Variants in RASSF5 observed in about 807,000 individuals in gnomAD.
The protein encoded by RASSF5 is Ras association domain family member 5.
Under a neutral mutation model 40.5 loss-of-function variants are expected in RASSF5, and 25 were observed. The ratio of observed to expected loss-of-function variants is 0.62; its 90% CI spans 0.45 to 0.86. RASSF5 has a LOEUF of 0.86. RASSF5 is among the 40% of genes least tolerant of loss of function. The pLI is 0.00. For synonymous variants in RASSF5, 246 were observed against 252.4 expected (o/e 0.97, Z 0.24); for missense variants, 521 against 572.8 (o/e 0.91, Z 0.92).
At chr1:206,570,939 C>G (rs1349517279) in intron 2 of RASSF5, among the ~76,000 whole-genome samples, 1 of 152,142 alleles carries the variant, frequency 6.6e-6, no homozygotes, top group Non-Finnish European at 1.5e-5. Context: ...CTCACATCTT[C>G]TGGGTGTATA....
intron 2 of RASSF5, among the ~76,000 whole-genome samples, chr1:206,574,347 TC>T (rs1365379901): frequency 6.6e-6 from 1 of 152,178 alleles, no homozygotes; most frequent in Non-Finnish European, 1.5e-5. Context: ...ACCTGCAGAC[TC>T]CCAAGGACAG....
chr1:206,587,090 G>T lies in RASSF5; in HGVS notation c.*112G>T. 7.4e-7 allele frequency: 1 copy of T among 1,346,350 alleles called. No individual in the cohort carries two copies. Among genetic ancestry groups the T allele is most frequent in the Non-Finnish European group, 1.0e-6 (1 of 967,848 alleles). 83.4% of individuals were successfully genotyped at this position (1,346,350 alleles called of 1,614,324 possible). ...ATCTCTGGCAGGTGCATTTGTGCCT[G>T]CCCAGCAGTTCCAGCTGTGGCAAAA... On this transcript the variant is annotated 3_prime_UTR_variant, in exon 6 of 6. Transcript: ENST00000579436.
At chr1:206,530,989 C>T (rs932715136) in intron 1 of RASSF5, among the ~76,000 whole-genome samples, 9 of 152,152 alleles carry the variant, frequency 5.9e-5, no homozygotes, top group Admixed American at 1.3e-4. Context: ...TGGATGTTAG[C>T]GAGGTAAAAA....
Position 206,556,226 on chromosome 1 carries a change from G to A in RASSF5, c.579+17933G>A, listed in dbSNP as rs782688036. ...GTCTGTACATGACAGTGACTGGGGCGTAGGCAGCTGCACACACCAGGGCTG... is the reference window on the plus strand; with the variant it reads ...GTCTGTACATGACAGTGACTGGGGCATAGGCAGCTGCACACACCAGGGCTG... On this transcript the variant is annotated intron_variant, in intron 2 of 5. Coordinates refer to ENST00000579436, the MANE Select transcript of RASSF5 (RefSeq NM_182663.4). Among the ~76,000 whole-genome samples, 10 of 152,196 alleles carry A rather than the reference G, an allele frequency of 6.6e-5. No homozygotes were observed. The East Asian group carries it at 9.6e-4, about 15-fold the overall frequency.
At chr1:206,512,738 C>T (rs530203120) in intron 1 of RASSF5, among the ~76,000 whole-genome samples, 1 of 152,314 alleles carries the variant, frequency 6.6e-6, no homozygotes, top group Admixed American at 6.5e-5. Context: ...CAGGGAGCTA[C>T]CTCCTGTGAA....
intron 2 of RASSF5, among the ~76,000 whole-genome samples, chr1:206,566,958 G>A (rs945305437): frequency 6.6e-6 from 1 of 152,172 alleles, no homozygotes; most frequent in Non-Finnish European, 1.5e-5. Context: ...ACATGAGCAA[G>A]TACTTTAGGG....
rs1045107947 is a variant in RASSF5 at position 206,588,384 on chromosome 1, A to G, written c.*1406A>G. On this transcript the variant is annotated 3_prime_UTR_variant, in exon 6 of 6. Transcript: ENST00000579436. ...TTACATTTGCACTGGCTTCTTGTTT[A>G]GGCTGAATCCTAAAATAAATTAGTC... is the stretch of plus-strand genomic sequence containing the variant. The G allele has an allele frequency of 6.6e-6, 1 of 152,370 alleles. No individual in the cohort carries two copies. Among genetic ancestry groups the G allele is most frequent in the Non-Finnish European group, 1.5e-5 (1 of 68,040 alleles). 9.4% of individuals were successfully genotyped at this position (152,370 alleles called of 1,614,324 possible). A position where few individuals can be genotyped will look rare whatever the true frequency, so the allele number is the denominator to read the frequency against.
chr1:206,566,092 G>A (rs1024735470), intron 2 of RASSF5, among the ~76,000 whole-genome samples: 9 of 152,172 alleles, frequency 5.9e-5, no homozygotes, highest in East Asian at 1.9e-4. Context: ...GACAGATGTC[G>A]CTGGCGGAAT....
At chr1:206,564,421 T>G (rs1466160177) in intron 2 of RASSF5, among the ~76,000 whole-genome samples, 1 of 152,186 alleles carries the variant, frequency 6.6e-6, no homozygotes, top group East Asian at 1.9e-4. Flanking sequence ...AGCTTTTCCC[T>G]ATAAAGCAAT....
intron 2 of RASSF5, chr1:206,571,303 G>T (rs972467275): frequency 1.3e-5 from 2 of 150,450 alleles, no homozygotes; most frequent in Non-Finnish European, 3.0e-5. Flanking sequence ...TTGTATTGTG[G>T]TAGTTTATAT....
chr1:206,556,270 C>T (rs1667984026), intron 2 of RASSF5, among the ~76,000 whole-genome samples: 1 of 152,234 alleles, frequency 6.6e-6, no homozygotes. Context: ...CACACGTGTT[C>T]TACCTGTGTG....
In RASSF5 at chr1:206,552,932, G is replaced by A. The variant is rs369945516; in HGVS notation, c.579+14639G>A. On this transcript the variant is annotated intron_variant, in intron 2 of 5. Transcript: ENST00000579436. The surrounding 1 kb of genome is among the most constrained non-coding windows in gnomAD (Gnocchi z 4.1). ...GAAAGTGCTCAGTAAGGCTGGGCGCGGTGGCTCACACCTGTAATCCCAGCA... is the reference window on the plus strand; with the variant it reads ...GAAAGTGCTCAGTAAGGCTGGGCGCAGTGGCTCACACCTGTAATCCCAGCA... 2.3e-4 allele frequency among the ~76,000 whole-genome samples: 35 copies of A among 152,246 alleles called. No individual in the cohort carries two copies. Among genetic ancestry groups the A allele is most frequent in the African/African-American group, 6.3e-4 (26 of 41,520 alleles).
At chr1:206,580,517 C>CACATCTGGTCCCATAG (rs1163138047) in intron 2 of RASSF5, among the ~76,000 whole-genome samples, 4 of 152,134 alleles carry the variant, frequency 2.6e-5, no homozygotes, top group Non-Finnish European at 4.4e-5. Context: ...CAGGGTCAGG[C>CACATCTGGTCCCATAG]ACATCTGGTC....
At chr1:206,564,963 C>T (rs1168596702) in intron 2 of RASSF5, among the ~76,000 whole-genome samples, 1 of 152,132 alleles carries the variant, frequency 6.6e-6, no homozygotes, top group Non-Finnish European at 1.5e-5. Context: ...TCTTCTCCCA[C>T]AGCATCCCAG....
intron 2 of RASSF5, among the ~76,000 whole-genome samples, chr1:206,565,427 TCTTTA>T (rs1197729653): frequency 1.3e-5 from 2 of 152,236 alleles, no homozygotes; most frequent in East Asian, 3.8e-4. Context: ...TGGTTCTCCC[TCTTTA>T]GTACAGCGTC....
intron 2 of RASSF5, chr1:206,572,800 A>G (rs1435996501): frequency 1.3e-5 from 2 of 152,264 alleles, no homozygotes; most frequent in African/African-American, 2.4e-5. Context: ...ATCATAGAAT[A>G]TAATTTTCAG....
intron 1 of RASSF5, among the ~76,000 whole-genome samples, chr1:206,532,752 G>A (rs542644899): frequency 6.6e-6 from 1 of 152,296 alleles, no homozygotes; most frequent in South Asian, 2.1e-4. Context: ...AGTCGCCTTG[G>A]TGCCCGCCTG....
chr1:206,550,420 A>G (rs1317925020), intron 2 of RASSF5, among the ~76,000 whole-genome samples: 2 of 152,238 alleles, frequency 1.3e-5, no homozygotes, highest in Admixed American at 6.5e-5. Context: ...AGTCTTCCTC[A>G]TAATGCACTG....
chr1:206,559,977 A>C (rs1178674319), intron 2 of RASSF5, among the ~76,000 whole-genome samples: 4 of 151,006 alleles, frequency 2.6e-5, no homozygotes, highest in Non-Finnish European at 4.4e-5. Context: ...ACACTTTTCC[A>C]CTCTCTTTTC....
Sources: allele counts gnomAD v4.1 joint callset (sites outside exome capture counted in the v4.1 genomes callset), GRCh38; gene constraint gnomAD v4.1.1; non-coding constraint Gnocchi (gnomAD v3.1); transcripts MANE v1.5; gene names NCBI Gene and HGNC (gene_info 2026-07-23, HGNC 2026-07-21).